PCDH11X: variants seen among roughly 807,000 people sequenced by gnomAD.
The protein encoded by PCDH11X is protocadherin 11 X-linked.
Under a neutral mutation model 53.3 loss-of-function variants are expected in PCDH11X, and 18 were observed. That is an observed-to-expected ratio of 0.34 (90% CI 0.23 to 0.50). The LOEUF (loss-of-function observed/expected upper bound fraction) is 0.50, where lower values mean the gene tolerates loss of function less well. Among genes scored for constraint, PCDH11X ranks in the 20% least tolerant of loss-of-function variants. The pLI, the probability that PCDH11X is intolerant of heterozygous loss-of-function variation, is 0.98. For missense variants in PCDH11X, 570 were observed against 1,032.4 expected, an observed-to-expected ratio of 0.55 and a Z score of 6.14; for synonymous variants, 279 against 393.3, an observed-to-expected ratio of 0.71 and a Z score of 3.44.
intron 6 of PCDH11X, among the ~76,000 whole-genome samples, chrX:91,939,034 A>G (rs1206047425): frequency 3.6e-5 from 4 of 111,376 alleles, no homozygotes; most frequent in Non-Finnish European, 7.6e-5. Flanking sequence ...TGAGTAGAAT[A>G]ATCAACAGAA....
At chrX:91,909,455 T>C (rs1238430844) in intron 6 of PCDH11X, among the ~76,000 whole-genome samples, 1 of 107,986 alleles carries the variant, frequency 9.3e-6, no homozygotes, top group Non-Finnish European at 1.9e-5. Flanking sequence ...TGAAAATCCA[T>C]TAAAAACACA....
At chrX:92,576,977 T>C (rs1923060760) in intron 10 of PCDH11X, among the ~76,000 whole-genome samples, 1 of 110,545 alleles carries the variant, frequency 9.0e-6, no homozygotes, top group African/African-American at 3.3e-5. Flanking sequence ...ATATTTCCTG[T>C]AGCATTTCTT....
At chrX:92,361,394 T>G (rs1603287886) in intron 8 of PCDH11X, among the ~76,000 whole-genome samples, 1 of 111,355 alleles carries the variant, frequency 9.0e-6, no homozygotes. Context: ...TCCTTTTCCC[T>G]CCAAACAATT....
chrX:92,620,916 C>G lies in PCDH11X; in HGVS notation c.*1976C>G, dbSNP rs1286453522. ...GAATGTTTATTAAATTATTATCATA[C>G]AAATGTGTTGATATTGTGGCTATTG... On this transcript the variant is annotated 3_prime_UTR_variant, in exon 11 of 11. Transcript: ENST00000682573. 9.2e-6 allele frequency: 1 copy of G among 108,541 alleles called. No homozygotes were observed. The highest frequency in any genetic ancestry group is 2.9e-4 in the East Asian group (1 of 3,507). 8.9% of individuals were successfully genotyped at this position (108,541 alleles called of 1,213,427 possible). A position where few individuals can be genotyped will look rare whatever the true frequency, so the allele number is the denominator to read the frequency against.
chrX:92,200,680 TC>T (rs907007781), intron 6 of PCDH11X, among the ~76,000 whole-genome samples: 3 of 111,392 alleles, frequency 2.7e-5, no homozygotes, highest in Non-Finnish European at 5.6e-5. Flanking sequence ...ATCTATTAAA[TC>T]TTTTGGCATT....
intron 6 of PCDH11X, among the ~76,000 whole-genome samples, chrX:92,183,729 G>T (rs141787371): frequency 7.1e-5 from 8 of 112,015 alleles, no homozygotes; most frequent in Middle Eastern, 9.2e-3. Context: ...TTCCTGCCAC[G>T]CTGGCTTCCT....
chrX:92,279,334 G>A (rs1196420284), intron 8 of PCDH11X, among the ~76,000 whole-genome samples: 1 of 111,904 alleles, frequency 8.9e-6, no homozygotes, highest in African/African-American at 3.2e-5. Flanking sequence ...TGCTTCAAAC[G>A]ATGCATCTCT....
At chrX:92,463,151 G>T (rs2073088496) in intron 9 of PCDH11X, among the ~76,000 whole-genome samples, 1 of 109,528 alleles carries the variant, frequency 9.1e-6, no homozygotes, top group Non-Finnish European at 1.9e-5. Flanking sequence ...TAGCAAAAAG[G>T]AACAATTATA....
intron 6 of PCDH11X, among the ~76,000 whole-genome samples, chrX:92,085,403 C>T (rs2063932518): frequency 9.3e-6 from 1 of 107,513 alleles, no homozygotes; most frequent in Non-Finnish European, 1.9e-5. Flanking sequence ...GTCCTGAATA[C>T]TCGATTTAAA....
intron 6 of PCDH11X, among the ~76,000 whole-genome samples, chrX:92,003,563 C>G (rs1254378862): frequency 1.1e-5 from 1 of 93,265 alleles, no homozygotes; most frequent in Admixed American, 1.2e-4. Context: ...TGGCTTCAAT[C>G]TCATTACTTG....
chrX:92,534,915 GA>G (rs2074628541), intron 10 of PCDH11X, among the ~76,000 whole-genome samples: 1 of 111,395 alleles, frequency 9.0e-6, no homozygotes, highest in Non-Finnish European at 1.9e-5. Context: ...ACTAAACATG[GA>G]AAGGAACAAC....
chrX:92,104,260 A>C lies in PCDH11X; in HGVS notation c.3034-97115A>C, dbSNP rs1449051485. 1.2e-3 allele frequency among the ~76,000 whole-genome samples: 130 copies of C among 109,566 alleles called. 1 individual carries two copies. Among genetic ancestry groups the C allele is most frequent in the Non-Finnish European group, 7.8e-4 (41 of 52,798 alleles). ...GTGGAGGAGTGGAGGCTGAGGAAGA[A>C]TTGGGACCTAGCTCAGCCTGTCGAG... On this transcript the variant is annotated intron_variant, in intron 6 of 10. Transcript: ENST00000682573.
chrX:91,907,370 AACACACACAC>A lies in PCDH11X; in HGVS notation c.3033+28131_3033+28140del, dbSNP rs777259208. Among the ~76,000 whole-genome samples, 43 of 36,146 alleles carry A rather than the reference AACACACACAC, an allele frequency of 1.2e-3. 1 individual carries two copies. The highest frequency in any genetic ancestry group is 1.7e-3 in the Non-Finnish European group (34 of 20,439). The allele number at this position is 36,146 out of a possible 115,157, so 31.4% of individuals were successfully genotyped here. A position where few individuals can be genotyped will look rare whatever the true frequency, so the allele number is the denominator to read the frequency against. ...CATGTACATGATACACACCACCCTCAACACACACACACACACACACACACACACACACACA... is the reference window on the plus strand; with the variant it reads ...CATGTACATGATACACACCACCCTCAACACACACACACACACACACACACA... On this transcript the variant is annotated intron_variant, in intron 6 of 10. Transcript: ENST00000682573.
At chrX:92,407,791 A>G (rs1260594747) in intron 9 of PCDH11X, among the ~76,000 whole-genome samples, 3 of 111,280 alleles carry the variant, frequency 2.7e-5, no homozygotes, top group Non-Finnish European at 5.7e-5. Context: ...AGGGTAAACT[A>G]GTTTATAATC....
intron 7 of PCDH11X, among the ~76,000 whole-genome samples, chrX:92,221,410 G>T (rs907932472): frequency 1.8e-5 from 2 of 109,215 alleles, no homozygotes; most frequent in South Asian, 8.1e-4. Flanking sequence ...GGCTGAACAG[G>T]CTGAGAACCT....
intron 6 of PCDH11X, among the ~76,000 whole-genome samples, chrX:92,100,761 G>T (rs2064230597): frequency 9.1e-6 from 1 of 110,465 alleles, no homozygotes; most frequent in African/African-American, 3.3e-5. Flanking sequence ...AATTTTTGGG[G>T]GGGTGGTATG....
intron 6 of PCDH11X, among the ~76,000 whole-genome samples, chrX:92,192,522 T>G (rs1378855996): frequency 9.2e-6 from 1 of 109,199 alleles, no homozygotes; most frequent in African/African-American, 3.3e-5. Context: ...TTTTTTTTTG[T>G]ATTTTTAGTA....
At chrX:92,452,754 C>T (rs1269007670) in intron 9 of PCDH11X, among the ~76,000 whole-genome samples, 1 of 89,877 alleles carries the variant, frequency 1.1e-5, no homozygotes, top group Non-Finnish European at 2.1e-5. Flanking sequence ...GCCTCGGCCT[C>T]CCAAAGTGCT....
chrX:92,577,479 T>A (rs1023938564), intron 10 of PCDH11X, among the ~76,000 whole-genome samples: 5 of 110,913 alleles, frequency 4.5e-5, no homozygotes, highest in African/African-American at 1.6e-4. Flanking sequence ...TTTTATTAAT[T>A]TTTTTCAAAA....
Sources: gnomAD v4.1 joint callset for allele counts (sites outside exome capture counted in the v4.1 genomes callset) on GRCh38, gnomAD v4.1.1 for gene constraint, MANE v1.5 for transcripts, NCBI Gene and HGNC (gene_info 2026-07-23, HGNC 2026-07-21) for gene names.